The following SPI1 variants were observed in gnomAD, a reference collection of about 807,000 sequenced individuals.
The protein encoded by SPI1 is transcription factor PU.1.
Under a neutral mutation model 30.7 loss-of-function variants are expected in SPI1, and 3 were observed. The ratio of observed to expected loss-of-function variants is 0.10; its 90% CI spans 0.04 to 0.25. The LOEUF is 0.25. Among genes scored for constraint, SPI1 ranks in the 10% least tolerant of loss-of-function variants. The pLI is 1.00. For synonymous variants in SPI1, 169 were observed against 157.1 expected (o/e 1.08, Z -0.56); for missense variants, 261 against 371.5 (o/e 0.70, Z 2.45).
intron 2 of SPI1, among the ~76,000 whole-genome samples, chr11:47,372,767 T>C (rs1386159324): frequency 7.2e-5 from 11 of 152,176 alleles, no homozygotes; most frequent in African/African-American, 2.7e-4. Context: ...CCTCTGCACG[T>C]TACCTTACCT....
At position 47,375,571 on chromosome 11, in the gene SPI1, C is replaced by T; in HGVS notation, c.142+62G>A. ...TGGGAATCATTTATTCTTTTTCTCTCTCCAGACCCCAGGAGCCCAGGCTGG... is the reference window on the plus strand; with the variant it reads ...TGGGAATCATTTATTCTTTTTCTCTTTCCAGACCCCAGGAGCCCAGGCTGG... On this transcript the variant is annotated intron_variant, in intron 2 of 4. Transcript: ENST00000378538. This position sits in a 1 kb window ranked among gnomAD's most constrained non-coding sequence, Gnocchi z 4.2. 4 of 1,293,076 alleles carry T rather than the reference C, an allele frequency of 3.1e-6. No individual in the cohort carries two copies. The South Asian group carries it at 3.6e-5, about 11-fold the overall frequency. The allele number at this position is 1,293,076 out of a possible 1,614,324, so 80.1% of individuals were successfully genotyped here. A position where few individuals can be genotyped will look rare whatever the true frequency, so the allele number is the denominator to read the frequency against.
At chr11:47,356,411 C>T (rs2095909430) in intron 4 of SPI1, among the ~76,000 whole-genome samples, 1 of 150,418 alleles carries the variant, frequency 6.6e-6, no homozygotes, top group African/African-American at 2.5e-5. Context: ...ACACTCACAC[C>T]CACCCAATGC....
At chr11:47,367,748 ATTTTTT>A (rs1173025260) in intron 2 of SPI1, among the ~76,000 whole-genome samples, 2 of 64,782 alleles carry the variant, frequency 3.1e-5, no homozygotes, top group African/African-American at 1.5e-4. Flanking sequence ...TGATGGTTAA[ATTTTTT>A]TTTTTTTTTT....
At chr11:47,376,523 G>A (rs1344758796) in intron 1 of SPI1, among the ~76,000 whole-genome samples, 1 of 151,912 alleles carries the variant, frequency 6.6e-6, no homozygotes, top group Non-Finnish European at 1.5e-5. Context: ...TCCCTCCTGA[G>A]TCCTCCCTAT....
intron 2 of SPI1, among the ~76,000 whole-genome samples, chr11:47,366,822 AAAAAGAAAAGAAAAG>A (rs10635081): frequency 1.2e-4 from 18 of 149,212 alleles, no homozygotes; most frequent in Non-Finnish European, 2.2e-4. Context: ...ACGCTGTCTC[AAAAAGAAAAGAAAAG>A]AAAAGAAAAG....
At chr11:47,357,579 G>A (rs1202075167) in intron 4 of SPI1, among the ~76,000 whole-genome samples, 1 of 74,580 alleles carries the variant, frequency 1.3e-5, no homozygotes, top group African/African-American at 3.9e-5. Flanking sequence ...CCATTCTCTT[G>A]TTTTTGAGAT....
intron 4 of SPI1, among the ~76,000 whole-genome samples, chr11:47,355,989 T>G (rs1166208965): frequency 6.8e-6 from 1 of 147,144 alleles, no homozygotes; most frequent in African/African-American, 2.5e-5. Context: ...CCACACACGC[T>G]CACACGTACA....
At chr11:47,368,125 C>G (rs4752827) in intron 2 of SPI1, among the ~76,000 whole-genome samples, 105,081 of 152,052 alleles carry the variant, frequency 0.69, 36,505 homozygotes, top group African/African-American at 0.77. Context: ...CAGCACTTTG[C>G]GAGGCCAAGA....
rs1364515194 is a variant in SPI1, at chr11:47,359,869, G to T, written c.314C>A (p.Pro105His). 6 of 1,606,460 alleles carry T rather than the reference G, an allele frequency of 3.7e-6. No individual in the cohort carries two copies. Among genetic ancestry groups the T allele is most frequent in the Non-Finnish European group, 5.1e-6 (6 of 1,179,820 alleles). ...VLDTPMVPPH[P>H]SLGHQVSYLP... The stretch of plus-strand genomic sequence containing the variant: ...GGCATGCACCTGGTGGCCAAGACTG[G>T]GATGGGGTGGCACCATGGGGGTATC... Residue 105 changes from proline to histidine, a missense_variant, in exon 3 of 5, where the codon CCC (proline) becomes CAC (histidine). Around this residue, in one of 5 missense-constraint regions of SPI1, gnomAD observed 106 missense variants for 102.0 expected, o/e 1.04. Coordinates refer to ENST00000378538, the MANE Select transcript of SPI1 (RefSeq NM_003120.3). The surrounding 1 kb of genome is among the most constrained non-coding windows in gnomAD (Gnocchi z 5.1).
chr11:47,359,579 G>A lies in SPI1; in HGVS notation c.330+274C>T, dbSNP rs1326441065. ...GGGTGGCAGACAGTGAGGCCCAGGA[G>A]GGCCCACAACAAGGCGTTGGGATGG... On this transcript the variant is annotated intron_variant, in intron 3 of 4. Coordinates refer to ENST00000378538, the MANE Select transcript of SPI1 (RefSeq NM_003120.3). This position sits in a 1 kb window ranked among gnomAD's most constrained non-coding sequence, Gnocchi z 5.1. Among the ~76,000 whole-genome samples the A allele has an allele frequency of 1.3e-5, 2 of 152,098 alleles. No homozygotes were observed. The highest frequency in any genetic ancestry group is 2.4e-5 in the African/African-American group (1 of 41,396).
chr11:47,366,668 A>G (rs1318128180), intron 2 of SPI1, among the ~76,000 whole-genome samples: 1 of 152,070 alleles, frequency 6.6e-6, no homozygotes, highest in African/African-American at 2.4e-5. Flanking sequence ...AAATAGAAAA[A>G]AAATTAGCTG....
intron 2 of SPI1, among the ~76,000 whole-genome samples, chr11:47,360,819 G>C: frequency 8.4e-6 from 1 of 118,696 alleles, no homozygotes; most frequent in South Asian, 2.7e-4. Flanking sequence ...GTGAGACTCT[G>C]CCTCAAAAAA....
In SPI1 at chr11:47,355,258, C is replaced by A. The variant is rs755083366; in HGVS notation, c.782G>T (p.Gly261Val). 5 of 1,485,040 alleles carry A rather than the reference C, an allele frequency of 3.4e-6. No individual in the cohort carries two copies. The highest frequency in any genetic ancestry group is 3.6e-6 in the Non-Finnish European group (4 of 1,119,362). 92.0% of individuals were successfully genotyped at this position (1,485,040 alleles called of 1,614,324 possible). The change falls in exon 5 of 5, where the codon GGC becomes GTC. Residue 261 changes from glycine (G) to valine (V), a missense_variant. By Grantham distance (109) the Gly-to-Val change is moderately radical. Transcript: ENST00000378538. Reference protein sequence around the residue: ...QFSGEVLGRGGLAERRHPPH With the variant: ...QFSGEVLGRGVLAERRHPPH ...GGGCGGGTGGCGCCGCTCGGCCAGG[C>A]CCCCGCGGCCCAGCACTTCGCCGCT...
chr11:47,378,122 C>T (rs546870659), intron 1 of SPI1, among the ~76,000 whole-genome samples, 187 bp downstream of exon 1: 6 of 152,278 alleles, frequency 3.9e-5, no homozygotes, highest in Non-Finnish European at 7.3e-5. Flanking sequence ...CTCAGCCCGC[C>T]AGGGCATGCT....
In SPI1 at chr11:47,378,455, G is replaced by T; in HGVS notation, c.-102C>A. The stretch of plus-strand genomic sequence containing the variant: ...GTCAGGGGCTGGACGGTCGTGGGGC[G>T]GGTGCAGGGCTCAGGCCTGCCCCCT... On this transcript the variant is annotated 5_prime_UTR_variant, in exon 1 of 5. Coordinates refer to ENST00000378538, the MANE Select transcript of SPI1 (RefSeq NM_003120.3). 7.4e-7 allele frequency: 1 copy of T among 1,345,336 alleles called. No homozygotes were observed. The highest frequency in any genetic ancestry group is 1.0e-6 in the Non-Finnish European group (1 of 963,724). 83.3% of individuals were successfully genotyped at this position (1,345,336 alleles called of 1,614,324 possible).
In SPI1 at chr11:47,375,787, G is replaced by T; in HGVS notation, c.46-58C>A. The T allele has an allele frequency of 7.1e-7, 1 of 1,404,016 alleles. No homozygotes were observed. Among genetic ancestry groups the T allele is most frequent in the Non-Finnish European group, 1.0e-6 (1 of 990,322 alleles). 87.0% of individuals were successfully genotyped at this position (1,404,016 alleles called of 1,614,324 possible). On this transcript the variant is annotated intron_variant, in intron 1 of 4. Transcript: ENST00000378538. The surrounding 1 kb of genome is among the most constrained non-coding windows in gnomAD (Gnocchi z 4.2). ...ATGGTGGGAGACCCCAGCCAGGCCTGCAGCACCCCCGCACGCTGGGTCCCC... is the reference window on the plus strand; with the variant it reads ...ATGGTGGGAGACCCCAGCCAGGCCTTCAGCACCCCCGCACGCTGGGTCCCC...
rs887307741 is a variant in SPI1, at chr11:47,375,144, A to G, written c.142+489T>C. On this transcript the variant is annotated intron_variant, in intron 2 of 4. Coordinates refer to ENST00000378538, the MANE Select transcript of SPI1 (RefSeq NM_003120.3). The surrounding 1 kb of genome is among the most constrained non-coding windows in gnomAD (Gnocchi z 4.2). Reference sequence around the variant, plus strand: ...GAATCATCCCACCCAAAATGTCAGCAGTGCCACAGTTAGGAAACCCTGCCA... The same window carrying G: ...GAATCATCCCACCCAAAATGTCAGCGGTGCCACAGTTAGGAAACCCTGCCA... Among the ~76,000 whole-genome samples the G allele has an allele frequency of 6.6e-6, 1 of 152,220 alleles. No individual in the cohort carries two copies. The highest frequency in any genetic ancestry group is 2.4e-5 in the African/African-American group (1 of 41,464).
chr11:47,356,397 A>G (rs903660845), intron 4 of SPI1, among the ~76,000 whole-genome samples: 1 of 147,340 alleles, frequency 6.8e-6, no homozygotes, highest in Non-Finnish European at 1.5e-5. Context: ...ACCCACTCAC[A>G]TGCACACTCA....
At position 47,363,360 on chromosome 11, in the gene SPI1, A is replaced by G. The variant is rs138818484; in HGVS notation, c.143-3320T>C. The stretch of plus-strand genomic sequence containing the variant: ...ACATGATGAAACCCCGTCTCTACTG[A>G]AAATACAAAAATTAGCTGGGTGTGA... On this transcript the variant is annotated intron_variant, in intron 2 of 4. Coordinates refer to ENST00000378538, the MANE Select transcript of SPI1 (RefSeq NM_003120.3). Among the ~76,000 whole-genome samples the G allele has an allele frequency of 5.7e-3, 874 of 152,134 alleles. 13 individuals are homozygous for G. The highest frequency in any genetic ancestry group is 0.02 in the African/African-American group (846 of 41,492).
Sources: allele counts gnomAD v4.1 joint callset (sites outside exome capture counted in the v4.1 genomes callset), GRCh38; gene constraint gnomAD v4.1.1; regional missense constraint gnomAD v4.1.1; non-coding constraint Gnocchi (gnomAD v3.1); transcripts MANE v1.5; gene names NCBI Gene and HGNC (gene_info 2026-07-23, HGNC 2026-07-21).